Variants in RORB observed in about 807,000 individuals in gnomAD.
RORB encodes the protein RAR related orphan receptor B.
Under a neutral mutation model 59.1 loss-of-function variants are expected in RORB, and 6 were observed. The ratio of observed to expected loss-of-function variants is 0.10; its 90% CI spans 0.06 to 0.20. The LOEUF is 0.20. Ranked by LOEUF, RORB falls within the 10% of genes least tolerant of loss-of-function variation. The probability of loss-of-function intolerance (pLI) is 1.00; values close to 1 mark genes in which losing one functional copy is unlikely to be tolerated. For synonymous variants in RORB, 215 were observed against 204.5 expected (o/e 1.05, Z -0.44); for missense variants, 320 against 560.5 (o/e 0.57, Z 4.33).
At chr9:74,520,039 G>A (rs1826063043) in intron 1 of RORB, among the ~76,000 whole-genome samples, 1 of 151,590 alleles carries the variant, frequency 6.6e-6, no homozygotes, top group Admixed American at 6.6e-5. Context: ...GCTACACACA[G>A]CACATAGAGA....
At chr9:74,661,848 T>TC (rs1824189974) in intron 5 of RORB, among the ~76,000 whole-genome samples, 1 of 151,846 alleles carries the variant, frequency 6.6e-6, no homozygotes, top group Admixed American at 6.6e-5. Flanking sequence ...GGTTTCACCA[T>TC]GTTAGCCAGG....
At chr9:74,547,359 G>A (rs1290058953) in intron 1 of RORB, among the ~76,000 whole-genome samples, 1 of 152,118 alleles carries the variant, frequency 6.6e-6, no homozygotes, top group Non-Finnish European at 1.5e-5. Flanking sequence ...TTTAGAGCTA[G>A]AGAAGAGGGA....
intron 1 of RORB, among the ~76,000 whole-genome samples, chr9:74,570,105 T>C (rs1056607168): frequency 6.6e-6 from 1 of 152,122 alleles, no homozygotes; most frequent in African/African-American, 2.4e-5. Context: ...TTGGAGTGAA[T>C]AGAGAATAAT....
At chr9:74,520,974 G>A (rs1445750763) in intron 1 of RORB, among the ~76,000 whole-genome samples, 1 of 151,836 alleles carries the variant, frequency 6.6e-6, no homozygotes, top group African/African-American at 2.4e-5. Context: ...TCATCTTCAT[G>A]TGGCTAACCC....
At chr9:74,520,272 C>A (rs767895468) in intron 1 of RORB, among the ~76,000 whole-genome samples, 2 of 151,850 alleles carry the variant, frequency 1.3e-5, no homozygotes, top group Non-Finnish European at 2.9e-5. Context: ...AGCAATTTTG[C>A]CACACAAATA....
rs1824633109 is a variant in RORB at position 74,685,871 on chromosome 9, A to G, written c.*253A>G. ...GGACACTGGGTGTTATCCTTTTTTT[A>G]ATTTTATTCGGGTATGTTTTGGGAG... On this transcript the variant is annotated 3_prime_UTR_variant, in exon 10 of 10. Coordinates refer to ENST00000376896, the MANE Select transcript of RORB (RefSeq NM_006914.4). 7.4e-6 allele frequency: 2 copies of G among 270,004 alleles called. No individual in the cohort carries two copies. The highest frequency in any genetic ancestry group is 1.4e-5 in the Non-Finnish European group (2 of 145,128). The allele number at this position is 270,004 out of a possible 1,614,324, so 16.7% of individuals were successfully genotyped here. A position where few individuals can be genotyped will look rare whatever the true frequency, so the allele number is the denominator to read the frequency against.
At chr9:74,546,202 T>G (rs1343670913) in intron 1 of RORB, among the ~76,000 whole-genome samples, 1 of 152,172 alleles carries the variant, frequency 6.6e-6, no homozygotes, top group African/African-American at 2.4e-5. Context: ...ATAGAGAAGC[T>G]CGGAGGTTCC....
intron 1 of RORB, among the ~76,000 whole-genome samples, chr9:74,620,145 G>A (rs1823388315): frequency 1.3e-5 from 2 of 152,166 alleles, no homozygotes; most frequent in Non-Finnish European, 2.9e-5. Context: ...ACCTCTGGTA[G>A]AATTCAGCTG....
At chr9:74,645,526 G>T (rs1823881414) in intron 4 of RORB, among the ~76,000 whole-genome samples, 1 of 152,030 alleles carries the variant, frequency 6.6e-6, no homozygotes, top group African/African-American at 2.4e-5. Flanking sequence ...TGTGTGTGTG[G>T]ATTAAGTGAG....
At chr9:74,657,599 T>TCCTGCC (rs1390659982) in intron 4 of RORB, among the ~76,000 whole-genome samples, 1 of 152,198 alleles carries the variant, frequency 6.6e-6, no homozygotes, top group Admixed American at 6.5e-5. Context: ...ATGGTTATTT[T>TCCTGCC]CCTGCCCCTA....
intron 1 of RORB, among the ~76,000 whole-genome samples, chr9:74,510,632 G>A (rs951461696): frequency 2.6e-5 from 4 of 152,082 alleles, no homozygotes; most frequent in African/African-American, 4.8e-5. Context: ...TGTGAGCTAC[G>A]CAGGACAGGT....
intron 1 of RORB, among the ~76,000 whole-genome samples, chr9:74,507,784 T>C (rs1258046789): frequency 6.6e-6 from 1 of 152,044 alleles, no homozygotes; most frequent in Non-Finnish European, 1.5e-5. Flanking sequence ...AACTTGTATA[T>C]AAATTGTGCC....
intron 4 of RORB, among the ~76,000 whole-genome samples, chr9:74,643,045 G>T (rs549262789): frequency 1.3e-5 from 2 of 152,098 alleles, no homozygotes; most frequent in African/African-American, 4.8e-5. Context: ...TAAATAGAAA[G>T]ATGCTATCTG....
At chr9:74,565,220 C>A (rs1388770686) in intron 1 of RORB, among the ~76,000 whole-genome samples, 2 of 152,196 alleles carry the variant, frequency 1.3e-5, no homozygotes, top group African/African-American at 2.4e-5. Flanking sequence ...TTTGCAAAGA[C>A]ACACCACTCA....
chr9:74,534,066 T>G (rs1826286636), intron 1 of RORB, among the ~76,000 whole-genome samples: 1 of 152,082 alleles, frequency 6.6e-6, no homozygotes, highest in African/African-American at 2.4e-5. Context: ...AGACCACATT[T>G]AACTTTTCTG....
chr9:74,586,037 G>A (rs1437854425), intron 1 of RORB, among the ~76,000 whole-genome samples: 2 of 151,698 alleles, frequency 1.3e-5, no homozygotes, highest in Non-Finnish European at 2.9e-5. Flanking sequence ...CTCGTGATCC[G>A]CCCGCCTCGA....
At chr9:74,608,481 G>A (rs966475104) in intron 1 of RORB, among the ~76,000 whole-genome samples, 3 of 150,540 alleles carry the variant, frequency 2.0e-5, no homozygotes, top group Non-Finnish European at 4.4e-5. Context: ...GGAGAATGGC[G>A]TGAACCCGGG....
chr9:74,653,451 C>A (rs1447527737), intron 4 of RORB, among the ~76,000 whole-genome samples: 1 of 150,714 alleles, frequency 6.6e-6, no homozygotes, highest in Non-Finnish European at 1.5e-5. Context: ...AAGAATACTT[C>A]CAACTTTAAA....
At chr9:74,569,963 T>C (rs1236118935) in intron 1 of RORB, among the ~76,000 whole-genome samples, 1 of 152,034 alleles carries the variant, frequency 6.6e-6, no homozygotes, top group African/African-American at 2.4e-5. Context: ...TATTTTCTCC[T>C]CCCCTCCTAT....
Sources: allele counts gnomAD v4.1 joint callset (sites outside exome capture counted in the v4.1 genomes callset), GRCh38; gene constraint gnomAD v4.1.1; transcripts MANE v1.5; gene names NCBI Gene and HGNC (gene_info 2026-07-23, HGNC 2026-07-21).